The following PAG1 variants were observed in gnomAD, a reference collection of about 807,000 sequenced individuals.
PAG1 encodes phosphoprotein associated with glycosphingolipid-enriched microdomains 1.
A neutral mutation model predicts 31.7 loss-of-function variants in PAG1; 23 were observed. That is an observed-to-expected ratio of 0.73 (90% CI 0.52 to 1.03). The LOEUF is 1.03. Ranked by LOEUF, PAG1 falls within the 50% of genes least tolerant of loss-of-function variation. PAG1 has a pLI of 0.00. For missense variants in PAG1, 473 were observed against 540.7 expected (o/e 0.87, Z 1.24); for synonymous variants, 214 against 210.3 (o/e 1.02, Z -0.15).
chr8:81,083,806 G>A (rs111880066), intron 1 of PAG1, among the ~76,000 whole-genome samples: 39 of 152,056 alleles, frequency 2.6e-4, no homozygotes, highest in African/African-American at 8.0e-4. Flanking sequence ...AGGCTGAGGC[G>A]GGTAGATCAC....
intron 2 of PAG1, among the ~76,000 whole-genome samples, chr8:81,032,722 A>C (rs935337482): frequency 6.6e-6 from 1 of 152,234 alleles, no homozygotes; most frequent in Non-Finnish European, 1.5e-5. Context: ...ACTCCCAGGT[A>C]TATAGCAAAA....
Position 81,027,904 on chromosome 8 carries a change from CAAAAAAAAAAAA to C in PAG1, c.-81+2080_-81+2091del, listed in dbSNP as rs35780204. Reference sequence around the variant, plus strand: ...TGGGCGACAGAGCAGGACTCCGTCTCAAAAAAAAAAAAAAAAAAAAAAAGAATATAGGCCAAG... The same window carrying C: ...TGGGCGACAGAGCAGGACTCCGTCTCAAAAAAAAAAAGAATATAGGCCAAG... On this transcript the variant is annotated intron_variant, in intron 3 of 8. Coordinates refer to ENST00000220597, the MANE Select transcript of PAG1 (RefSeq NM_018440.4). Among the ~76,000 whole-genome samples the C allele has an allele frequency of 2.6e-4, 14 of 52,850 alleles. No homozygotes were observed. The South Asian group carries it at 1.0e-2, about 38-fold the overall frequency. The allele number at this position is 52,850 out of a possible 152,430, so 34.7% of individuals were successfully genotyped here.
chr8:81,090,742 C>T (rs181445248), intron 1 of PAG1, among the ~76,000 whole-genome samples: 2 of 152,288 alleles, frequency 1.3e-5, no homozygotes, highest in African/African-American at 2.4e-5. Flanking sequence ...TCGGGCCACA[C>T]GTGAGGAACT....
intron 2 of PAG1, among the ~76,000 whole-genome samples, chr8:81,056,506 T>C (rs1381461780): frequency 1.3e-5 from 2 of 152,106 alleles, no homozygotes; most frequent in African/African-American, 2.4e-5. Flanking sequence ...CTGGGAAAAC[T>C]GGCTAGCCAT....
At chr8:81,029,091 A>G (rs772853234) in intron 3 of PAG1, among the ~76,000 whole-genome samples, 1 of 152,196 alleles carries the variant, frequency 6.6e-6, no homozygotes, top group African/African-American at 2.4e-5. Flanking sequence ...ATATCTTTAT[A>G]AGGAAGGAGG....
chr8:81,014,517 G>C (rs1808039577), intron 3 of PAG1, among the ~76,000 whole-genome samples: 1 of 152,196 alleles, frequency 6.6e-6, no homozygotes, highest in African/African-American at 2.4e-5. Flanking sequence ...CAGCAAACCT[G>C]TGTTGGGATG....
intron 1 of PAG1, among the ~76,000 whole-genome samples, chr8:81,103,907 C>G (rs1385552045): frequency 6.6e-6 from 1 of 152,202 alleles, no homozygotes; most frequent in Non-Finnish European, 1.5e-5. Flanking sequence ...TCTTTCCATT[C>G]TCCCATGAAG....
chr8:81,035,862 T>C (rs1456175223), intron 2 of PAG1, among the ~76,000 whole-genome samples: 3 of 152,050 alleles, frequency 2.0e-5, no homozygotes, highest in African/African-American at 7.2e-5. Flanking sequence ...CTGACACACA[T>C]ACACACATAT....
chr8:81,061,702 A>C (rs1206900815), intron 2 of PAG1, among the ~76,000 whole-genome samples: 2 of 152,228 alleles, frequency 1.3e-5, no homozygotes, highest in Admixed American at 1.3e-4. Flanking sequence ...AGCACCTTGT[A>C]GGTGAAGACT....
At position 81,017,838 on chromosome 8, in the gene PAG1, G is replaced by A. The variant is rs115232201; in HGVS notation, c.-81+12158C>T. Among the ~76,000 whole-genome samples the A allele has an allele frequency of 1.8e-3, 279 of 152,282 alleles. 1 individual carries two copies. Among genetic ancestry groups the A allele is most frequent in the African/African-American group, 6.5e-3 (271 of 41,560 alleles). ...AGTTTGAGGGTATACCTGCACATGG[G>A]AATTTAAACAGCCCCTTGGGTAATT... is the stretch of plus-strand genomic sequence containing the variant. On this transcript the variant is annotated intron_variant, in intron 3 of 8. Coordinates refer to ENST00000220597, the MANE Select transcript of PAG1 (RefSeq NM_018440.4).
At chr8:81,001,127 C>A (rs537021651) in intron 3 of PAG1, among the ~76,000 whole-genome samples, 1 of 152,356 alleles carries the variant, frequency 6.6e-6, no homozygotes, top group East Asian at 1.9e-4. Context: ...AAAACCCTCC[C>A]ACCTCTCAGG....
intron 3 of PAG1, among the ~76,000 whole-genome samples, chr8:81,023,603 G>A (rs1402922265): frequency 6.6e-6 from 1 of 151,480 alleles, no homozygotes; most frequent in South Asian, 2.1e-4. Context: ...AGGAGAGAGA[G>A]AGAGAGAAAG....
At chr8:81,062,601 A>G (rs1327917883) in intron 2 of PAG1, among the ~76,000 whole-genome samples, 1 of 152,236 alleles carries the variant, frequency 6.6e-6, no homozygotes, top group South Asian at 2.1e-4. Flanking sequence ...CACTAGAAAA[A>G]AAATTATTTA....
At chr8:81,038,788 T>C (rs2130824101) in intron 2 of PAG1, among the ~76,000 whole-genome samples, 2 of 152,296 alleles carry the variant, frequency 1.3e-5, no homozygotes, top group Middle Eastern at 6.8e-3. Flanking sequence ...CACTCTCGCA[T>C]GACTTAGGGT....
intron 1 of PAG1, among the ~76,000 whole-genome samples, chr8:81,106,495 A>C (rs971567417): frequency 3.3e-5 from 5 of 152,168 alleles, no homozygotes; most frequent in African/African-American, 1.2e-4. Flanking sequence ...AACAGTCTAC[A>C]TTTAGGAGAC....
rs151221074 is a variant in PAG1 at position 81,035,136 on chromosome 8, C to T, written c.-174-5047G>A. ...AATAGGTTGGTGAAGTCAGGAGGGT[C>T]GTCCATTACCATCCTGGAGGTCTAG... is the stretch of plus-strand genomic sequence containing the variant. On this transcript the variant is annotated intron_variant, in intron 2 of 8. Transcript: ENST00000220597. Among the ~76,000 whole-genome samples, 292 of 152,100 alleles carry T rather than the reference C, an allele frequency of 1.9e-3. 3 individuals are homozygous for T. Among genetic ancestry groups the T allele is most frequent in the African/African-American group, 6.8e-3 (280 of 41,474 alleles).
chr8:81,100,332 T>C (rs1809589418), intron 1 of PAG1, among the ~76,000 whole-genome samples: 2 of 152,226 alleles, frequency 1.3e-5, no homozygotes, highest in Admixed American at 1.3e-4. Flanking sequence ...ACCAGAACTA[T>C]CACTTTTCGT....
In PAG1 at chr8:80,969,693, A is replaced by C. The variant is rs1327948803; in HGVS notation, c.*6851T>G. ...AAATGTATAAAGAGAATGAGCAGAG[A>C]TATCTGTTCTGCTAATTTTGAAAAA... On this transcript the variant is annotated 3_prime_UTR_variant, in exon 9 of 9. Transcript: ENST00000220597. The C allele has an allele frequency of 6.6e-6, 1 of 152,216 alleles. No homozygotes were observed. The highest frequency in any genetic ancestry group is 1.9e-4 in the East Asian group (1 of 5,192). 9.4% of individuals were successfully genotyped at this position (152,216 alleles called of 1,614,324 possible). A position where few individuals can be genotyped will look rare whatever the true frequency, so the allele number is the denominator to read the frequency against.
At chr8:81,006,234 T>C (rs748816738) in intron 3 of PAG1, among the ~76,000 whole-genome samples, 8 of 152,166 alleles carry the variant, frequency 5.3e-5, no homozygotes, top group East Asian at 1.9e-4. Flanking sequence ...TGAGCCACCA[T>C]GCCTGGCCAA....
Sources: allele counts gnomAD v4.1 joint callset (sites outside exome capture counted in the v4.1 genomes callset), GRCh38; gene constraint gnomAD v4.1.1; transcripts MANE v1.5; gene names NCBI Gene and HGNC (gene_info 2026-07-23, HGNC 2026-07-21).